HSD17B12: variants seen among roughly 807,000 people sequenced by gnomAD.
HSD17B12 encodes hydroxysteroid 17-beta dehydrogenase 12, also known as very-long-chain 3-oxoacyl-CoA reductase.
In HSD17B12, 32 loss-of-function variants were observed where a neutral mutation model predicts 39.3. That is an observed-to-expected ratio of 0.81 (90% CI 0.61 to 1.09). The LOEUF (loss-of-function observed/expected upper bound fraction) is 1.09, where lower values mean the gene tolerates loss of function less well. Among genes scored for constraint, HSD17B12 ranks in the 50% least tolerant of loss-of-function variants. HSD17B12 has a pLI of 0.00. For synonymous variants in HSD17B12, 150 were observed against 146.7 expected, an observed-to-expected ratio of 1.02 and a Z score of -0.16; for missense variants, 342 against 382.9, an observed-to-expected ratio of 0.89 and a Z score of 0.89.
At chr11:43,709,939 G>A (rs1428174316) in intron 1 of HSD17B12, among the ~76,000 whole-genome samples, 1 of 152,210 alleles carries the variant, frequency 6.6e-6, no homozygotes, top group African/African-American at 2.4e-5. Context: ...GGGCTGGTAT[G>A]TGTGCAACTC....
intron 3 of HSD17B12, among the ~76,000 whole-genome samples, chr11:43,776,817 T>C (rs1950709576): frequency 1.3e-5 from 2 of 152,278 alleles, no homozygotes; most frequent in East Asian, 1.9e-4. Context: ...TTCAGCTTTC[T>C]ACATATGGCT....
chr11:43,616,405 T>C, the HSD17B12 span, among the ~76,000 whole-genome samples: 1 of 59,532 alleles, frequency 1.7e-5, no homozygotes, highest in Non-Finnish European at 3.8e-5. Context: ...TGAGACTCCA[T>C]CTAAAAAAAA....
intron 6 of HSD17B12, chr11:43,829,687 A>G (rs890353612): frequency 2.2e-4 from 33 of 152,250 alleles, no homozygotes; most frequent in African/African-American, 7.0e-4. Context: ...ATGCGCACGC[A>G]CACACACAGA....
chr11:43,791,419 C>A (rs1023212957), intron 3 of HSD17B12, among the ~76,000 whole-genome samples: 2 of 151,918 alleles, frequency 1.3e-5, no homozygotes, highest in African/African-American at 4.8e-5. Context: ...GTAATCCCAG[C>A]TACTTGGGAG....
At position 43,739,916 on chromosome 11, in the gene HSD17B12, C is replaced by T. The variant is rs183743732; in HGVS notation, c.161-10995C>T. On this transcript the variant is annotated intron_variant, in intron 1 of 10. Coordinates refer to ENST00000278353, the MANE Select transcript of HSD17B12 (RefSeq NM_016142.3). The stretch of plus-strand genomic sequence containing the variant: ...AATGAGGGGAGTGAGAAGCCAGTGA[C>T]AGGTTTTAGGCAGGGAAGTGAAGTT... 1.8e-3 allele frequency among the ~76,000 whole-genome samples: 279 copies of T among 152,250 alleles called. 2 individuals carry two copies. Among genetic ancestry groups the T allele is most frequent in the African/African-American group, 6.4e-3 (266 of 41,538 alleles).
chr11:43,617,413 A>T, the HSD17B12 span, among the ~76,000 whole-genome samples: 1 of 152,156 alleles, frequency 6.6e-6, no homozygotes, highest in Non-Finnish European at 1.5e-5. Flanking sequence ...ACGGATCCAC[A>T]CTAGAGGCAT....
At chr11:43,733,752 A>C in intron 1 of HSD17B12, 1 of 634,480 alleles carries the variant, frequency 1.6e-6, no homozygotes, top group South Asian at 1.4e-5. Flanking sequence ...GCCCAGCAGA[A>C]GAAAACTTGG....
At chr11:43,619,183 A>AAATATATATATATATGAT in the HSD17B12 span, among the ~76,000 whole-genome samples, 1 of 75,596 alleles carries the variant, frequency 1.3e-5, no homozygotes, top group Admixed American at 1.3e-4. Flanking sequence ...ATATATATAA[A>AAATATATATATATATGAT]ATATATATAT....
At chr11:43,562,099 C>T in the HSD17B12 span, among the ~76,000 whole-genome samples, 5 of 152,270 alleles carry the variant, frequency 3.3e-5, no homozygotes, top group Admixed American at 2.0e-4. Flanking sequence ...TAATAGCTAC[C>T]CCACACAGTT....
intron 1 of HSD17B12, among the ~76,000 whole-genome samples, chr11:43,710,932 A>T (rs1278862937): frequency 6.6e-6 from 1 of 152,114 alleles, no homozygotes; most frequent in Non-Finnish European, 1.5e-5. Flanking sequence ...GTGGGACAAC[A>T]GGTGCATGCG....
intron 8 of HSD17B12, among the ~76,000 whole-genome samples, chr11:43,838,757 A>G (rs1358892234): frequency 6.6e-6 from 1 of 152,106 alleles, no homozygotes; most frequent in Non-Finnish European, 1.5e-5. Flanking sequence ...TGAGTCTAAG[A>G]TTGGAGATTT....
intron 1 of HSD17B12, among the ~76,000 whole-genome samples, chr11:43,744,644 A>G (rs1950397893): frequency 6.6e-6 from 1 of 152,226 alleles, no homozygotes; most frequent in South Asian, 2.1e-4. Context: ...GGGATCCTAG[A>G]TCAGAAAAAG....
the HSD17B12 span, among the ~76,000 whole-genome samples, chr11:43,663,571 T>A: frequency 2.6e-5 from 4 of 152,282 alleles, no homozygotes. Flanking sequence ...TTTTTGAAAG[T>A]AAGGCAGACA....
the HSD17B12 span, among the ~76,000 whole-genome samples, chr11:43,621,377 G>A: frequency 2.0e-5 from 3 of 152,142 alleles, no homozygotes; most frequent in Non-Finnish European, 4.4e-5. Flanking sequence ...CCTCTGGGAG[G>A]CTGGGGACTG....
intron 3 of HSD17B12, among the ~76,000 whole-genome samples, chr11:43,772,138 A>G (rs1757905610): frequency 6.6e-6 from 1 of 152,192 alleles, no homozygotes; most frequent in South Asian, 2.1e-4. Context: ...GTGGAAGTTT[A>G]CCTTCATTTA....
intron 3 of HSD17B12, among the ~76,000 whole-genome samples, chr11:43,762,189 C>T (rs969703523): frequency 5.9e-5 from 9 of 151,328 alleles, no homozygotes; most frequent in Non-Finnish European, 1.0e-4. Context: ...AAAAAAAAGA[C>T]GTTTTCTCAA....
chr11:43,699,514 G>T (rs1395633632), intron 1 of HSD17B12, among the ~76,000 whole-genome samples: 1 of 151,988 alleles, frequency 6.6e-6, no homozygotes, highest in Admixed American at 6.6e-5. Context: ...AAATACTAAG[G>T]AGTATATATC....
chr11:43,793,432 T>G (rs1405675475), intron 3 of HSD17B12, among the ~76,000 whole-genome samples: 1 of 152,172 alleles, frequency 6.6e-6, no homozygotes, highest in Non-Finnish European at 1.5e-5. Context: ...ATTAGACTTC[T>G]TTTGTAACAT....
At chr11:43,620,187 C>T in the HSD17B12 span, among the ~76,000 whole-genome samples, 1 of 152,190 alleles carries the variant, frequency 6.6e-6, no homozygotes, top group African/African-American at 2.4e-5. Flanking sequence ...TTTCTTTAAA[C>T]ACCACCATTT....
Sources: gnomAD v4.1 joint callset for allele counts (sites outside exome capture counted in the v4.1 genomes callset) on GRCh38, gnomAD v4.1.1 for gene constraint, MANE v1.5 for transcripts, NCBI Gene and HGNC (gene_info 2026-07-23, HGNC 2026-07-21) for gene names.